SLCO1B1: variants seen among roughly 807,000 people sequenced by gnomAD.
The protein encoded by SLCO1B1 is OATP-2.
A neutral mutation model predicts 70.1 loss-of-function variants in SLCO1B1; 81 were observed. The observed-to-expected ratio is 1.16, with a 90% CI of 0.97 to 1.39. The LOEUF is 1.39. Among genes scored for constraint, SLCO1B1 ranks in the 40% most tolerant of loss-of-function variants. The probability of loss-of-function intolerance (pLI) is 0.00; values close to 1 mark genes in which losing one functional copy is unlikely to be tolerated. For synonymous variants in SLCO1B1, 283 were observed against 271.5 expected (o/e 1.04, Z -0.42); for missense variants, 895 against 799.6 (o/e 1.12, Z -1.44).
intron 1 of SLCO1B1, among the ~76,000 whole-genome samples, chr12:21,136,679 C>T (rs1940227272): frequency 6.6e-6 from 1 of 152,192 alleles, no homozygotes; most frequent in Non-Finnish European, 1.5e-5. Context: ...TTTTCAGCTC[C>T]ATCAAGTCCT....
chr12:21,226,670 C>T (rs1394299081), intron 14 of SLCO1B1, among the ~76,000 whole-genome samples: 1 of 151,978 alleles, frequency 6.6e-6, no homozygotes, highest in Non-Finnish European at 1.5e-5. Context: ...GACCCATACC[C>T]ATACAACATA....
chr12:21,202,707 C>T, intron 10 of SLCO1B1, 21 bp downstream of exon 10: 1 of 1,554,836 alleles, frequency 6.4e-7, no homozygotes, highest in South Asian at 1.1e-5. Flanking sequence ...ATCACTATAT[C>T]AATTGCATAA....
intron 11 of SLCO1B1, among the ~76,000 whole-genome samples, chr12:21,214,858 G>C (rs564255088): frequency 0.016 from 2,459 of 151,106 alleles, 71 homozygotes; most frequent in African/African-American, 0.057. Context: ...TTCTTTGACT[G>C]GGAAAGGGAA....
intron 1 of SLCO1B1, among the ~76,000 whole-genome samples, chr12:21,141,048 CTG>C (rs2121038565): frequency 6.6e-6 from 1 of 151,954 alleles, no homozygotes; most frequent in South Asian, 2.1e-4. Context: ...CTTTATAAAA[CTG>C]AGGCCATTCT....
Position 21,141,292 on chromosome 12 carries a change from AATTT to A in SLCO1B1, c.-61-217_-61-214del, listed in dbSNP as rs4149092. On this transcript the variant is annotated intron_variant, in intron 1 of 14. Coordinates refer to ENST00000256958, the MANE Select transcript of SLCO1B1 (RefSeq NM_006446.5). ...TACTTGTTTCAAATTTCTCTCCACAAATTTATTTTTCTATTAAATTGTAATCTCC... is the reference window on the plus strand; with the variant it reads ...TACTTGTTTCAAATTTCTCTCCACAAATTTTTCTATTAAATTGTAATCTCC... Among the ~76,000 whole-genome samples the A allele has an allele frequency of 0.05, 7,571 of 151,800 alleles. 274 individuals carry two copies. Among genetic ancestry groups the A allele is most frequent in the East Asian group, 0.13 (657 of 5,158 alleles).
rs1290692009 is a variant in SLCO1B1 at position 21,193,793 on chromosome 12, C to CT, written c.728-3144dup. Reference sequence around the variant, plus strand: ...CCATCAGATGTTCTAAGTCATTGCTCTTTTTTTTTATTTTGGAGACAGAGT... The same window carrying CT: ...CCATCAGATGTTCTAAGTCATTGCTCTTTTTTTTTTATTTTGGAGACAGAGT... On this transcript the variant is annotated intron_variant, in intron 7 of 14. Coordinates refer to ENST00000256958, the MANE Select transcript of SLCO1B1 (RefSeq NM_006446.5). Among the ~76,000 whole-genome samples the CT allele has an allele frequency of 2.6e-5, 4 of 151,646 alleles. No individual in the cohort carries two copies. In the South Asian group the frequency reaches 8.3e-4, roughly 32 times the overall value.
intron 2 of SLCO1B1, among the ~76,000 whole-genome samples, chr12:21,162,331 A>G (rs1278089686): frequency 6.6e-6 from 1 of 152,016 alleles, no homozygotes; most frequent in African/African-American, 2.4e-5. Context: ...AATAGTTTAA[A>G]TAGAGAAAAA....
At chr12:21,214,351 C>T (rs555058671) in intron 11 of SLCO1B1, among the ~76,000 whole-genome samples, 5 of 148,354 alleles carry the variant, frequency 3.4e-5, no homozygotes, top group Non-Finnish European at 7.4e-5. Flanking sequence ...CCTGCTGGGG[C>T]GTGCCTCCCA....
intron 2 of SLCO1B1, among the ~76,000 whole-genome samples, chr12:21,147,280 C>T (rs532368442): frequency 6.6e-6 from 1 of 152,198 alleles, no homozygotes; most frequent in African/African-American, 2.4e-5. Context: ...TTTTTCTCCA[C>T]TTCTTTACTT....
chr12:21,134,535 T>C (rs2121022236), intron 1 of SLCO1B1, among the ~76,000 whole-genome samples: 1 of 152,318 alleles, frequency 6.6e-6, no homozygotes, highest in Non-Finnish European at 1.5e-5. Context: ...TATTCAGAGA[T>C]GCAACTTCTT....
At chr12:21,215,197 A>G (rs566075253) in intron 11 of SLCO1B1, among the ~76,000 whole-genome samples, 1 of 152,322 alleles carries the variant, frequency 6.6e-6, no homozygotes, top group East Asian at 1.9e-4. Context: ...TGATCTGTCT[A>G]GGATTTCCAG....
intron 14 of SLCO1B1, among the ~76,000 whole-genome samples, chr12:21,229,377 C>T (rs1006089270): frequency 1.3e-5 from 2 of 152,156 alleles, no homozygotes; most frequent in Admixed American, 6.6e-5. Context: ...CCTAAAAATC[C>T]TCTGCTCTGC....
intron 2 of SLCO1B1, among the ~76,000 whole-genome samples, chr12:21,166,656 G>A (rs1410059312): frequency 3.9e-5 from 6 of 152,120 alleles, no homozygotes; most frequent in Non-Finnish European, 8.8e-5. Flanking sequence ...CAAGAATGTG[G>A]AGCGACAAGA....
intron 2 of SLCO1B1, among the ~76,000 whole-genome samples, chr12:21,154,520 C>T (rs1228082088): frequency 1.1e-4 from 16 of 152,078 alleles, no homozygotes; most frequent in Admixed American, 1.0e-3. Flanking sequence ...TTTCTTACAG[C>T]ACCCCAAACA....
chr12:21,148,014 A>G (rs1940410690), intron 2 of SLCO1B1, among the ~76,000 whole-genome samples: 1 of 152,114 alleles, frequency 6.6e-6, no homozygotes, highest in African/African-American at 2.4e-5. Context: ...TTATTTTGAG[A>G]AGTGTCTGTT....
chr12:21,138,198 T>A (rs1940254700), intron 1 of SLCO1B1, among the ~76,000 whole-genome samples: 1 of 152,134 alleles, frequency 6.6e-6, no homozygotes, highest in Admixed American at 6.5e-5. Context: ...AGAAATTGGG[T>A]CACTTTGCCT....
chr12:21,176,891 G>C lies in SLCO1B1; in HGVS notation c.475G>C (p.Gly159Arg). ...SLNRASPEIVGKGCLKESGSY... is the reference protein window; with the variant it reads ...SLNRASPEIVRKGCLKESGSY... ...CAATAGAGCATCACCTGAGATAGTG[G>C]GAAAAGGTAAGAATTAATATTGACA... Residue 159 changes from glycine (G) to arginine (R), a missense_variant, in exon 5 of 15, where the codon GGA becomes CGA. Coordinates refer to ENST00000256958, the MANE Select transcript of SLCO1B1 (RefSeq NM_006446.5). 1 of 1,548,116 alleles carries C rather than the reference G, an allele frequency of 6.5e-7. No individual in the cohort carries two copies. Among genetic ancestry groups the C allele is most frequent in the African/African-American group, 1.4e-5 (1 of 74,020 alleles).
chr12:21,225,388 CT>C (rs1303219192), intron 14 of SLCO1B1, among the ~76,000 whole-genome samples: 10 of 151,880 alleles, frequency 6.6e-5, no homozygotes, highest in Non-Finnish European at 1.3e-4. Context: ...GCATGGGCAT[CT>C]GGAAAAACAA....
intron 7 of SLCO1B1, among the ~76,000 whole-genome samples, chr12:21,180,875 G>C (rs74818296): frequency 0.065 from 9,928 of 152,122 alleles, 1,091 homozygotes; most frequent in African/African-American, 0.22. Flanking sequence ...TACATTATTT[G>C]AGAATTCATC....
Sources: gnomAD v4.1 joint callset for allele counts (sites outside exome capture counted in the v4.1 genomes callset) on GRCh38, gnomAD v4.1.1 for gene constraint, MANE v1.5 for transcripts, NCBI Gene and HGNC (gene_info 2026-07-23, HGNC 2026-07-21) for gene names.